The following MACROD2 variants were observed in gnomAD, a reference collection of about 807,000 sequenced individuals.
MACROD2 encodes the protein ADP-ribose glycohydrolase MACROD2.
Under a neutral mutation model 70.4 loss-of-function variants are expected in MACROD2, and 36 were observed. The observed-to-expected ratio is 0.51, with a 90% confidence interval of 0.39 to 0.68. The LOEUF is 0.68. Ranked by LOEUF, MACROD2 falls within the 30% of genes least tolerant of loss-of-function variation. The probability of loss-of-function intolerance (pLI) is 0.00; values close to 1 mark genes in which losing one functional copy is unlikely to be tolerated. For missense variants in MACROD2, 496 were observed against 538.4 expected (o/e 0.92, Z 0.78); for synonymous variants, 172 against 178.8 (o/e 0.96, Z 0.30).
intron 3 of MACROD2, among the ~76,000 whole-genome samples, chr20:14,305,490 A>G (rs1601455736): frequency 6.6e-6 from 1 of 152,122 alleles, no homozygotes; most frequent in East Asian, 1.9e-4. Context: ...AGGGCCTAGA[A>G]TAGAACCCCA....
chr20:15,677,204 T>C (rs1284441728), intron 8 of MACROD2, among the ~76,000 whole-genome samples: 1 of 152,206 alleles, frequency 6.6e-6, no homozygotes, highest in Non-Finnish European at 1.5e-5. Flanking sequence ...TGGACTATTG[T>C]AGTAATCTCT....
intron 3 of MACROD2, among the ~76,000 whole-genome samples, chr20:14,280,449 A>G (rs74992112): frequency 0.015 from 2,311 of 152,306 alleles, 24 homozygotes; most frequent in African/African-American, 0.027. Context: ...TAATAAAAAG[A>G]ACATTCTGTG....
intron 5 of MACROD2, among the ~76,000 whole-genome samples, chr20:14,802,775 CAT>C (rs1419163076): frequency 0.011 from 502 of 45,126 alleles, 3 homozygotes; most frequent in African/African-American, 0.035. Flanking sequence ...CACATACACA[CAT>C]ACACACACAC....
intron 6 of MACROD2, among the ~76,000 whole-genome samples, chr20:15,302,913 T>C (rs925502143): frequency 3.9e-5 from 6 of 152,222 alleles, no homozygotes; most frequent in African/African-American, 1.4e-4. Flanking sequence ...GTGAACCTGC[T>C]ACTTATATCC....
intron 6 of MACROD2, among the ~76,000 whole-genome samples, chr20:15,275,423 G>A (rs1050865493): frequency 6.6e-6 from 1 of 152,290 alleles, no homozygotes; most frequent in Non-Finnish European, 1.5e-5. Context: ...CTTTTGAGAA[G>A]AGCCCTCTGG....
chr20:15,210,423 A>G (rs543003553), intron 5 of MACROD2, among the ~76,000 whole-genome samples: 39 of 152,252 alleles, frequency 2.6e-4, no homozygotes, highest in Admixed American at 1.2e-3. Flanking sequence ...TGTTTTGCAT[A>G]TTCTGGGCAC....
intron 2 of MACROD2, among the ~76,000 whole-genome samples, chr20:14,044,463 C>T (rs1274629609): frequency 6.6e-6 from 1 of 152,178 alleles, no homozygotes; most frequent in Non-Finnish European, 1.5e-5. Flanking sequence ...CTTTTATTCT[C>T]TTATTTGGCC....
At chr20:15,782,717 CAAA>C (rs11472322) in intron 8 of MACROD2, among the ~76,000 whole-genome samples, 8 of 83,350 alleles carry the variant, frequency 9.6e-5, no homozygotes, top group African/African-American at 2.0e-4. Context: ...AGAGAAATGG[CAAA>C]AAAAAAAAAA....
intron 6 of MACROD2, among the ~76,000 whole-genome samples, chr20:15,266,709 C>G (rs1184222376): frequency 6.6e-6 from 1 of 152,212 alleles, no homozygotes; most frequent in Non-Finnish European, 1.5e-5. Flanking sequence ...GGACAAAGTC[C>G]AAATCCTAAA....
chr20:14,135,136 G>A (rs930117304), intron 3 of MACROD2, among the ~76,000 whole-genome samples: 2 of 152,130 alleles, frequency 1.3e-5, no homozygotes, highest in Non-Finnish European at 2.9e-5. Context: ...ATAGGGATTA[G>A]ATTTGTAATT....
At chr20:14,233,797 C>T (rs1308723344) in intron 3 of MACROD2, among the ~76,000 whole-genome samples, 2 of 151,228 alleles carry the variant, frequency 1.3e-5, no homozygotes, top group Admixed American at 6.6e-5. Context: ...TGAAAGATAG[C>T]CAGTCTTAAA....
chr20:14,469,843 G>T (rs1304707036), intron 3 of MACROD2, among the ~76,000 whole-genome samples: 1 of 151,628 alleles, frequency 6.6e-6, no homozygotes, highest in Admixed American at 6.6e-5. Flanking sequence ...TTTTTTCAAG[G>T]TTCTTAGCTT....
At chr20:14,270,155 G>A (rs567196114) in intron 3 of MACROD2, among the ~76,000 whole-genome samples, 32 of 152,014 alleles carry the variant, frequency 2.1e-4, no homozygotes, top group African/African-American at 6.8e-4. Context: ...TTAATGGTGT[G>A]TATATATATT....
chr20:15,882,513 A>C (rs1003012670), intron 9 of MACROD2, among the ~76,000 whole-genome samples: 1 of 152,072 alleles, frequency 6.6e-6, no homozygotes, highest in Non-Finnish European at 1.5e-5. Flanking sequence ...ATGGAAGACA[A>C]TTGTGTTCCT....
At chr20:15,295,628 C>T (rs1041057831) in intron 6 of MACROD2, among the ~76,000 whole-genome samples, 5 of 147,520 alleles carry the variant, frequency 3.4e-5, no homozygotes, top group Non-Finnish European at 4.5e-5. Flanking sequence ...CACACACACA[C>T]ATGCACACAC....
chr20:14,711,473 T>A (rs1483352839), intron 5 of MACROD2, among the ~76,000 whole-genome samples: 2 of 152,200 alleles, frequency 1.3e-5, no homozygotes, highest in Non-Finnish European at 2.9e-5. Flanking sequence ...TTTTGAAGTA[T>A]TGAAATGTTA....
intron 5 of MACROD2, among the ~76,000 whole-genome samples, chr20:14,981,614 TGAATAAG>T (rs2074801774): frequency 1.3e-5 from 2 of 152,038 alleles, no homozygotes; most frequent in Non-Finnish European, 2.9e-5. Flanking sequence ...CTTGTGATAG[TGAATAAG>T]TCTTGCGAGA....
Position 15,677,716 on chromosome 20 carries a change from T to C in MACROD2, c.645+177869T>C, listed in dbSNP as rs557989947. Among the ~76,000 whole-genome samples the C allele has an allele frequency of 9.3e-5, 14 of 150,986 alleles. No individual in the cohort carries two copies. In the East Asian group the frequency reaches 2.7e-3, roughly 29 times the overall value. ...CCAACCAACCAACCAAATACATCCTTAGGAGAAGGATCAGAACTAACAATA... is the reference window on the plus strand; with the variant it reads ...CCAACCAACCAACCAAATACATCCTCAGGAGAAGGATCAGAACTAACAATA... On this transcript the variant is annotated intron_variant, in intron 8 of 17. Transcript: ENST00000684519.
intron 6 of MACROD2, among the ~76,000 whole-genome samples, chr20:15,277,517 A>C (rs1568686761): frequency 3.9e-5 from 6 of 152,206 alleles, no homozygotes. Context: ...TCTCAAACTT[A>C]ATGTTTGGAA....
Sources: gnomAD v4.1 joint callset for allele counts (sites outside exome capture counted in the v4.1 genomes callset) on GRCh38, gnomAD v4.1.1 for gene constraint, MANE v1.5 for transcripts, NCBI Gene and HGNC (gene_info 2026-07-23, HGNC 2026-07-21) for gene names.